MGST2: variants seen among roughly 807,000 people sequenced by gnomAD.
The protein encoded by MGST2 is glutathione peroxidase MGST2.
MGST2 carries 9 observed loss-of-function variants against 16.6 expected under a neutral mutation model. That is an observed-to-expected ratio of 0.54 (90% CI 0.33 to 0.95). The LOEUF (loss-of-function observed/expected upper bound fraction) is 0.95. Ranked by LOEUF, MGST2 falls within the 40% of genes least tolerant of loss-of-function variation. The pLI, the probability that MGST2 is intolerant of heterozygous loss-of-function variation, is 0.03. For synonymous variants in MGST2, 79 were observed against 68.0 expected, an observed-to-expected ratio of 1.16 and a Z score of -0.79; for missense variants, 159 against 175.1, an observed-to-expected ratio of 0.91 and a Z score of 0.52.
At chr4:139,726,439 T>C (rs1386394204) in intron 5 of MGST2, among the ~76,000 whole-genome samples, 4 of 152,220 alleles carry the variant, frequency 2.6e-5, no homozygotes, top group Non-Finnish European at 5.9e-5. Context: ...GTATTTCTGA[T>C]GTGTGGACTT....
Position 139,666,088 on chromosome 4 carries a change from T to C in MGST2, c.58+11T>C. 4 of 1,600,482 alleles carry C rather than the reference T, an allele frequency of 2.5e-6. No individual in the cohort carries two copies. The highest frequency in any genetic ancestry group is 2.3e-5 in the East Asian group (1 of 44,088). ...CGGCCTGTCAGCAAAGTAAGAGGCA[T>C]GGGAAGTTCGTGTGTGTGCGCGTGT... On this transcript the variant is annotated intron_variant, in intron 1 of 4. Coordinates refer to ENST00000265498, the MANE Select transcript of MGST2 (RefSeq NM_002413.5).
intron 2 of MGST2, among the ~76,000 whole-genome samples, chr4:139,683,009 G>A (rs1731344171): frequency 6.6e-6 from 1 of 152,188 alleles, no homozygotes; most frequent in African/African-American, 2.4e-5. Flanking sequence ...ACTTCCTGTG[G>A]CTCCACCCTG....
chr4:139,670,595 T>C (rs1681603683), intron 1 of MGST2, among the ~76,000 whole-genome samples: 2 of 152,132 alleles, frequency 1.3e-5, no homozygotes, highest in Non-Finnish European at 2.9e-5. Context: ...AAGACTTGAA[T>C]TCAGCACAAA....
chr4:139,668,621 GGAGGGGGTA>G (rs1730500730), intron 1 of MGST2, among the ~76,000 whole-genome samples: 1 of 151,176 alleles, frequency 6.6e-6, no homozygotes, highest in Non-Finnish European at 1.5e-5. Flanking sequence ...GAGAGGAGGG[GGAGGGGGTA>G]GAGGGGGAGA....
intron 5 of MGST2, among the ~76,000 whole-genome samples, chr4:139,714,857 T>A (rs1727880646): frequency 2.0e-5 from 3 of 152,004 alleles, no homozygotes; most frequent in Admixed American, 2.0e-4. Context: ...TTTCCAGTAA[T>A]CCTACCAGCT....
rs2110937862 is a variant in MGST2 at position 139,715,645 on chromosome 4, A to C, written c.*48+11449A>C. ...TGATGATATGCTAAACAAGGGGTGCATTATTCATGCCTCCCCTTTTTAGAC... is the reference window on the plus strand; with the variant it reads ...TGATGATATGCTAAACAAGGGGTGCCTTATTCATGCCTCCCCTTTTTAGAC... On this transcript the variant is annotated intron_variant, in intron 5 of 5. Coordinates refer to the MGST2 transcript ENST00000616265. This position sits in a 1 kb window ranked among gnomAD's most constrained non-coding sequence, Gnocchi z 4.4. Among the ~76,000 whole-genome samples, 1 of 152,296 alleles carries C rather than the reference A, an allele frequency of 6.6e-6. No individual in the cohort carries two copies. The highest frequency in any genetic ancestry group is 2.4e-5 in the African/African-American group (1 of 41,560).
chr4:139,689,033 G>C (rs976643095), intron 2 of MGST2, among the ~76,000 whole-genome samples: 9 of 151,312 alleles, frequency 5.9e-5, no homozygotes, highest in African/African-American at 2.2e-4. Flanking sequence ...TTTGAACCCA[G>C]GAGGCGGAGG....
intron 5 of MGST2, among the ~76,000 whole-genome samples, chr4:139,737,579 G>A (rs1202201007): frequency 1.3e-5 from 2 of 152,138 alleles, no homozygotes; most frequent in South Asian, 2.1e-4. Context: ...ATGTTGTCTG[G>A]TACCCAAAAT....
intron 5 of MGST2, among the ~76,000 whole-genome samples, chr4:139,734,666 C>T (rs1315287603): frequency 6.6e-6 from 1 of 152,238 alleles, no homozygotes; most frequent in Non-Finnish European, 1.5e-5. Context: ...CAGTTTTCGA[C>T]TTCAAAAAAC....
chr4:139,719,404 T>C (rs1728130656), intron 5 of MGST2: 1 of 1,614,034 alleles, frequency 6.2e-7, no homozygotes, highest in Non-Finnish European at 8.5e-7. Context: ...CCACAAGGTC[T>C]GCACCGTCCG....
rs557593513 is a variant in MGST2 at position 139,685,766 on chromosome 4, C to T, written c.158+7124C>T. On this transcript the variant is annotated intron_variant, in intron 2 of 4. Coordinates refer to ENST00000265498, the MANE Select transcript of MGST2 (RefSeq NM_002413.5). ...GCAACCTCCCCTTCCTGGGTTCAAG[C>T]GATTCTCTTGCCTCAGCCTCCCCAG... Among the ~76,000 whole-genome samples, 62 of 152,334 alleles carry T rather than the reference C, an allele frequency of 4.1e-4. No individual in the cohort carries two copies. In the South Asian group the frequency reaches 5.6e-3, roughly 14 times the overall value.
chr4:139,678,756 A>G (rs1475853823), intron 2 of MGST2, 114 bp downstream of exon 2: 1 of 838,996 alleles, frequency 1.2e-6, no homozygotes, highest in Non-Finnish European at 2.0e-6. Context: ...ATATCTAGTT[A>G]TAACAAGTCA....
chr4:139,729,200 C>T (rs1287010565), intron 5 of MGST2, among the ~76,000 whole-genome samples: 1 of 147,436 alleles, frequency 6.8e-6, no homozygotes. Flanking sequence ...GTGAACTGTG[C>T]TCAGCAGTAC....
At chr4:139,720,134 G>C (rs1275879254) in intron 5 of MGST2, 1 of 1,614,066 alleles carries the variant, frequency 6.2e-7, no homozygotes, top group South Asian at 1.1e-5. Context: ...GTACATTCCT[G>C]GTTGGCTGGT....
At chr4:139,709,819 T>G (rs551714566) in intron 5 of MGST2, among the ~76,000 whole-genome samples, 259 of 152,312 alleles carry the variant, frequency 1.7e-3, no homozygotes, top group Middle Eastern at 6.8e-3. Context: ...CTGGCAGCTG[T>G]CCTGGGTGTG....
chr4:139,684,083 C>G (rs1472942865), intron 2 of MGST2, among the ~76,000 whole-genome samples: 1 of 152,016 alleles, frequency 6.6e-6, no homozygotes, highest in Non-Finnish European at 1.5e-5. Context: ...TGCCACCATG[C>G]CTAGCTAATT....
intron 5 of MGST2, chr4:139,716,933 G>T (rs1560764262): frequency 6.6e-6 from 1 of 152,512 alleles, no homozygotes; most frequent in Non-Finnish European, 1.5e-5. Context: ...GTTGCCAGAG[G>T]TCATACAGTA....
Position 139,695,070 on chromosome 4 carries a change from T to C in MGST2, c.159-127T>C, listed in dbSNP as rs879104222. 2.9e-5 allele frequency: 20 copies of C among 694,324 alleles called. No individual in the cohort carries two copies. In the South Asian group the frequency reaches 3.3e-4, roughly 12 times the overall value. 43.0% of individuals were successfully genotyped at this position (694,324 alleles called of 1,614,324 possible). On this transcript the variant is annotated intron_variant, in intron 2 of 4. Coordinates refer to ENST00000265498, the MANE Select transcript of MGST2 (RefSeq NM_002413.5). ...AGATTGATTTTAAATGTAAAGGTCA[T>C]TTAAACTCTTTTGTAAGTTCTTATA...
chr4:139,694,218 A>G (rs1375643851), intron 2 of MGST2, among the ~76,000 whole-genome samples: 1 of 151,420 alleles, frequency 6.6e-6, no homozygotes, highest in African/African-American at 2.4e-5. Context: ...AAAAAAGATC[A>G]CTTATGGTGA....
Sources: gnomAD v4.1 joint callset for allele counts (sites outside exome capture counted in the v4.1 genomes callset) on GRCh38, gnomAD v4.1.1 for gene constraint, Gnocchi (gnomAD v3.1) non-coding constraint, MANE v1.5 for transcripts, NCBI Gene and HGNC (gene_info 2026-07-23, HGNC 2026-07-21) for gene names.